Variants in RBFOX3 observed in about 807,000 individuals in gnomAD.
RBFOX3 encodes RNA binding protein fox-1 homolog 3.
RBFOX3 carries 17 observed loss-of-function variants against 48.7 expected under a neutral mutation model. The ratio of observed to expected loss-of-function variants is 0.35; its 90% CI spans 0.24 to 0.52. The LOEUF is 0.52. Ranked by LOEUF, RBFOX3 falls within the 20% of genes least tolerant of loss-of-function variation. RBFOX3 has a pLI of 0.94. For missense variants in RBFOX3, 382 were observed against 497.5 expected, an observed-to-expected ratio of 0.77 and a Z score of 2.21; for synonymous variants, 212 against 209.5, an observed-to-expected ratio of 1.01 and a Z score of -0.10.
intron 2 of RBFOX3, among the ~76,000 whole-genome samples, chr17:79,386,364 C>T (rs1051984389): frequency 2.9e-4 from 44 of 152,114 alleles, no homozygotes; most frequent in African/African-American, 9.2e-4. Flanking sequence ...CACGATTTCC[C>T]GTTATAGGTG....
intron 2 of RBFOX3, among the ~76,000 whole-genome samples, chr17:79,341,473 C>T (rs572899412): frequency 3.5e-4 from 54 of 152,270 alleles, no homozygotes; most frequent in African/African-American, 1.2e-3. Context: ...TAATTGAGTT[C>T]GTGGGAGGCT....
intron 2 of RBFOX3, among the ~76,000 whole-genome samples, chr17:79,412,821 G>C (rs2064674330): frequency 6.6e-6 from 1 of 151,236 alleles, no homozygotes; most frequent in South Asian, 2.1e-4. Context: ...ATGCATGTGT[G>C]TGTATATATG....
At chr17:79,329,757 G>T (rs534459518) in intron 2 of RBFOX3, among the ~76,000 whole-genome samples, 2 of 152,058 alleles carry the variant, frequency 1.3e-5, no homozygotes, top group Non-Finnish European at 2.9e-5. Flanking sequence ...TTCACCCCTC[G>T]CTCTCCCAGG....
At chr17:79,091,227 G>A (rs936928574) in intron 14 of RBFOX3, among the ~76,000 whole-genome samples, 6 of 152,180 alleles carry the variant, frequency 3.9e-5, no homozygotes, top group Non-Finnish European at 5.9e-5. Context: ...TGGGGGAGCC[G>A]GGCCCCCCAC....
chr17:79,506,474 GC>G lies in RBFOX3; in HGVS notation c.-319-23877del, dbSNP rs2083146256. Reference sequence around the variant, plus strand: ...GCGCTGGGTGACCTCCACACTCCCAGCCCCCTCTTAGATTCTAAATATTGTC... The same window carrying G: ...GCGCTGGGTGACCTCCACACTCCCAGCCCCTCTTAGATTCTAAATATTGTC... On this transcript the variant is annotated intron_variant, in intron 1 of 14. Coordinates refer to ENST00000693108, the MANE Select transcript of RBFOX3 (RefSeq NM_001350451.2). Among the ~76,000 whole-genome samples the G allele has an allele frequency of 5.3e-5, 8 of 152,320 alleles. No individual in the cohort carries two copies. The South Asian group carries it at 1.7e-3, about 32-fold the overall frequency.
chr17:79,285,243 C>G (rs371671842), intron 3 of RBFOX3, among the ~76,000 whole-genome samples: 101 of 152,334 alleles, frequency 6.6e-4, no homozygotes, highest in African/African-American at 2.3e-3. Context: ...GCTGTCCCCC[C>G]TTTCTGCCCC....
chr17:79,644,218 G>C, the RBFOX3 span, among the ~76,000 whole-genome samples: 2 of 152,138 alleles, frequency 1.3e-5, no homozygotes, highest in Non-Finnish European at 2.9e-5. Context: ...AAAATTTCAG[G>C]TCCAGGTGGT....
the RBFOX3 span, among the ~76,000 whole-genome samples, chr17:79,659,841 C>G: frequency 1.2e-4 from 18 of 152,202 alleles, no homozygotes; most frequent in Admixed American, 9.2e-4. Flanking sequence ...CCTCCCCTTC[C>G]CCCCAGCCTC....
At chr17:79,370,499 C>A (rs2058373970) in intron 2 of RBFOX3, among the ~76,000 whole-genome samples, 1 of 152,050 alleles carries the variant, frequency 6.6e-6, no homozygotes, top group Non-Finnish European at 1.5e-5. Flanking sequence ...CTCACACAGG[C>A]ACACACACGT....
intron 4 of RBFOX3, among the ~76,000 whole-genome samples, chr17:79,168,646 G>A (rs182438537): frequency 2.6e-5 from 4 of 152,326 alleles, no homozygotes; most frequent in Non-Finnish European, 4.4e-5. Context: ...GTCCACATCC[G>A]CTGATGAATG....
At chr17:79,638,741 G>C in the RBFOX3 span, among the ~76,000 whole-genome samples, 2 of 152,106 alleles carry the variant, frequency 1.3e-5, no homozygotes, top group Non-Finnish European at 2.9e-5. Context: ...TGTGAAAGCT[G>C]GTTGTTATAA....
chr17:79,399,374 G>C (rs1351299489), intron 2 of RBFOX3, among the ~76,000 whole-genome samples: 7 of 152,196 alleles, frequency 4.6e-5, no homozygotes, highest in Admixed American at 2.0e-4. Flanking sequence ...CAGCAGTTTT[G>C]CTTCCGTGCA....
At chr17:79,503,760 T>G (rs2082687323) in intron 1 of RBFOX3, among the ~76,000 whole-genome samples, 1 of 152,166 alleles carries the variant, frequency 6.6e-6, no homozygotes, top group African/African-American at 2.4e-5. Flanking sequence ...TCCCAGGAGC[T>G]GATTGTCTTC....
intron 4 of RBFOX3, among the ~76,000 whole-genome samples, chr17:79,227,924 A>T (rs539805284): frequency 1.3e-5 from 2 of 152,314 alleles, no homozygotes; most frequent in East Asian, 3.9e-4. Context: ...TTTAGCCACC[A>T]ACAGCGATAA....
chr17:79,557,884 G>T (rs1046634844), intron 1 of RBFOX3, among the ~76,000 whole-genome samples: 33 of 152,356 alleles, frequency 2.2e-4, no homozygotes, highest in Middle Eastern at 3.4e-3. Flanking sequence ...GAGGACGCAG[G>T]GGGTGGCGCT....
At chr17:79,105,703 G>A (rs1354161398) in intron 6 of RBFOX3, among the ~76,000 whole-genome samples, 2 of 152,196 alleles carry the variant, frequency 1.3e-5, no homozygotes, top group African/African-American at 4.8e-5. Context: ...TCCCAGCTGG[G>A]TCAGGGTGGC....
chr17:79,411,504 C>T (rs2064334205), intron 2 of RBFOX3, among the ~76,000 whole-genome samples: 1 of 152,188 alleles, frequency 6.6e-6, no homozygotes, highest in Non-Finnish European at 1.5e-5. Context: ...TCCCACCTCC[C>T]CTCCAGGTCT....
chr17:79,137,592 G>A (rs560784951), intron 4 of RBFOX3, among the ~76,000 whole-genome samples: 51 of 152,284 alleles, frequency 3.3e-4, no homozygotes, highest in African/African-American at 1.2e-3. Context: ...CCTGCCCCCC[G>A]GGGCCTGAGC....
At chr17:79,522,974 G>T (rs901557786) in intron 1 of RBFOX3, among the ~76,000 whole-genome samples, 1 of 148,858 alleles carries the variant, frequency 6.7e-6, no homozygotes, top group African/African-American at 2.5e-5. Context: ...AAGCTCTGAC[G>T]CAGGCCAGAA....
Sources: allele counts gnomAD v4.1 joint callset (sites outside exome capture counted in the v4.1 genomes callset), GRCh38; gene constraint gnomAD v4.1.1; transcripts MANE v1.5; gene names NCBI Gene and HGNC (gene_info 2026-07-23, HGNC 2026-07-21).